UVRAG: variants seen among roughly 807,000 people sequenced by gnomAD.
UVRAG encodes the protein UV radiation resistance associated.
In UVRAG, 19 loss-of-function variants were observed where a neutral mutation model predicts 78.0. The ratio of observed to expected loss-of-function variants is 0.24; its 90% CI spans 0.17 to 0.36. The LOEUF (loss-of-function observed/expected upper bound fraction) is 0.36. Ranked by LOEUF, UVRAG falls within the 10% of genes least tolerant of loss-of-function variation. The pLI is 1.00. For missense variants in UVRAG, 740 were observed against 853.8 expected, an observed-to-expected ratio of 0.87 and a Z score of 1.66; for synonymous variants, 323 against 324.6, an observed-to-expected ratio of 1.00 and a Z score of 0.05.
chr11:76,006,337 G>T (rs1035622579), intron 9 of UVRAG, among the ~76,000 whole-genome samples: 4 of 151,954 alleles, frequency 2.6e-5, no homozygotes, highest in Non-Finnish European at 5.9e-5. Flanking sequence ...GGTATTTTAT[G>T]TATTGATCAT....
chr11:76,048,285 G>C (rs1688117887), intron 12 of UVRAG, among the ~76,000 whole-genome samples: 1 of 152,130 alleles, frequency 6.6e-6, no homozygotes, highest in South Asian at 2.1e-4. Flanking sequence ...TGACCCAGGG[G>C]GACCATGGAA....
intron 1 of UVRAG, among the ~76,000 whole-genome samples, chr11:75,815,963 A>AC (rs1401523741): frequency 2.6e-5 from 4 of 152,180 alleles, no homozygotes; most frequent in Non-Finnish European, 5.9e-5. Context: ...TTACGGAGAA[A>AC]CCAGTTTGTA....
intron 1 of UVRAG, among the ~76,000 whole-genome samples, chr11:75,841,937 A>G (rs1033625171): frequency 6.6e-6 from 1 of 152,194 alleles, no homozygotes; most frequent in African/African-American, 2.4e-5. Flanking sequence ...CTTGGTGGGA[A>G]CAACTTGTCT....
chr11:75,938,085 A>G (rs1449363030), intron 6 of UVRAG, among the ~76,000 whole-genome samples: 2 of 126,446 alleles, frequency 1.6e-5, no homozygotes, highest in African/African-American at 8.1e-5. Flanking sequence ...ATATGTATAT[A>G]CACACACACA....
chr11:76,130,363 G>A (rs1952492497), intron 14 of UVRAG, among the ~76,000 whole-genome samples: 1 of 152,188 alleles, frequency 6.6e-6, no homozygotes, highest in Non-Finnish European at 1.5e-5. Flanking sequence ...ATTAAAACAT[G>A]AACCATGGCT....
intron 14 of UVRAG, among the ~76,000 whole-genome samples, chr11:76,119,997 A>G (rs1724930399): frequency 6.6e-6 from 1 of 152,126 alleles, no homozygotes; most frequent in Non-Finnish European, 1.5e-5. Context: ...TCATGTGAAT[A>G]AGCTCTTTCC....
intron 12 of UVRAG, among the ~76,000 whole-genome samples, chr11:76,021,657 T>A (rs1039512380): frequency 1.3e-5 from 2 of 152,240 alleles, no homozygotes; most frequent in Non-Finnish European, 2.9e-5. Flanking sequence ...TATAAAATAG[T>A]TTCCATACCC....
chr11:75,849,473 G>A (rs1203268995), intron 1 of UVRAG, among the ~76,000 whole-genome samples: 1 of 146,216 alleles, frequency 6.8e-6, no homozygotes, highest in East Asian at 2.0e-4. Flanking sequence ...CAGCCTGGGC[G>A]ACAGAGCGAG....
At chr11:76,077,760 T>C (rs1951429557) in intron 13 of UVRAG, among the ~76,000 whole-genome samples, 1 of 152,230 alleles carries the variant, frequency 6.6e-6, no homozygotes, top group Non-Finnish European at 1.5e-5. Context: ...GAGACCGTAC[T>C]TGCTGCTTTC....
intron 2 of UVRAG, among the ~76,000 whole-genome samples, chr11:75,858,151 A>AT (rs997218260): frequency 2.5e-4 from 37 of 149,168 alleles, no homozygotes; most frequent in African/African-American, 8.5e-4. Context: ...TAGGTAAAAA[A>AT]AAATATATAT....
At chr11:76,139,385 G>C (rs1209981537) in intron 14 of UVRAG, among the ~76,000 whole-genome samples, 1 of 152,174 alleles carries the variant, frequency 6.6e-6, no homozygotes, top group Non-Finnish European at 1.5e-5. Context: ...TTCTCCTGCA[G>C]GACTGGTAGC....
chr11:75,853,118 T>C (rs1048214674), intron 2 of UVRAG, among the ~76,000 whole-genome samples: 3 of 152,044 alleles, frequency 2.0e-5, no homozygotes, highest in South Asian at 4.1e-4. Flanking sequence ...CTACTATGTT[T>C]TTTGGGCTGG....
intron 1 of UVRAG, among the ~76,000 whole-genome samples, chr11:75,819,339 C>CT (rs986767672): frequency 1.8e-4 from 28 of 151,492 alleles, no homozygotes; most frequent in African/African-American, 5.6e-4. Context: ...TTTTTTTACA[C>CT]TTTTTTTTTG....
intron 5 of UVRAG, among the ~76,000 whole-genome samples, chr11:75,897,580 A>C (rs1947368972): frequency 6.6e-6 from 1 of 152,136 alleles, no homozygotes; most frequent in Admixed American, 6.5e-5. Flanking sequence ...GCTGGAGTGC[A>C]GTGGCATGAT....
chr11:75,982,264 C>T (rs1368484983), intron 7 of UVRAG, among the ~76,000 whole-genome samples: 1 of 152,234 alleles, frequency 6.6e-6, no homozygotes, highest in African/African-American at 2.4e-5. Flanking sequence ...ATTCCCTATG[C>T]AGCTTCCATT....
At chr11:76,107,790 G>T (rs1284432160) in intron 13 of UVRAG, among the ~76,000 whole-genome samples, 3 of 151,166 alleles carry the variant, frequency 2.0e-5, no homozygotes, top group Non-Finnish European at 4.4e-5. Flanking sequence ...TGACATGGTG[G>T]TACTCTTTTT....
At chr11:75,974,044 G>T (rs1949180209) in intron 7 of UVRAG, among the ~76,000 whole-genome samples, 1 of 152,198 alleles carries the variant, frequency 6.6e-6, no homozygotes, top group African/African-American at 2.4e-5. Context: ...ATAGCAGCAT[G>T]ATTATAATCC....
intron 12 of UVRAG, among the ~76,000 whole-genome samples, chr11:76,050,034 G>T (rs993989023): frequency 7.2e-5 from 11 of 152,190 alleles, no homozygotes; most frequent in Non-Finnish European, 1.5e-4. Context: ...AATACCTGCT[G>T]CATAATAATA....
At chr11:75,940,751 A>C (rs894567656) in intron 6 of UVRAG, among the ~76,000 whole-genome samples, 2 of 152,178 alleles carry the variant, frequency 1.3e-5, no homozygotes, top group African/African-American at 4.8e-5. Flanking sequence ...CCTTTGAAAA[A>C]ATGTATGATT....
Sources: gnomAD v4.1 joint callset for allele counts (sites outside exome capture counted in the v4.1 genomes callset) on GRCh38, gnomAD v4.1.1 for gene constraint, MANE v1.5 for transcripts, NCBI Gene and HGNC (gene_info 2026-07-23, HGNC 2026-07-21) for gene names.